The following TCERG1L variants were observed in gnomAD, a reference collection of about 807,000 sequenced individuals.
The protein encoded by TCERG1L is transcription elongation regulator 1-like protein.
A neutral mutation model predicts 56.3 loss-of-function variants in TCERG1L; 37 were observed. The ratio of observed to expected loss-of-function variants is 0.66; its 90% CI spans 0.51 to 0.87. TCERG1L has a LOEUF of 0.87. TCERG1L is among the 40% of genes least tolerant of loss of function. The pLI, the probability that TCERG1L is intolerant of heterozygous loss-of-function variation, is 0.00. For synonymous variants in TCERG1L, 324 were observed against 326.3 expected (o/e 0.99, Z 0.08); for missense variants, 799 against 774.2 (o/e 1.03, Z -0.38).
At chr10:131,179,405 A>C (rs1481505502) in intron 4 of TCERG1L, among the ~76,000 whole-genome samples, 1 of 152,210 alleles carries the variant, frequency 6.6e-6, no homozygotes, top group Non-Finnish European at 1.5e-5. Flanking sequence ...CCCTAAATAG[A>C]AGTAGGAAGA....
At chr10:131,278,374 G>A (rs1385907233) in intron 3 of TCERG1L, among the ~76,000 whole-genome samples, 7 of 137,346 alleles carry the variant, frequency 5.1e-5, no homozygotes, top group Non-Finnish European at 7.6e-5. Context: ...GTCTTGCTCC[G>A]TCACCCAGGC....
At chr10:131,193,664 A>C (rs1388175363) in intron 4 of TCERG1L, among the ~76,000 whole-genome samples, 2 of 152,084 alleles carry the variant, frequency 1.3e-5, no homozygotes, top group Admixed American at 6.5e-5. Context: ...ATCTGGCCTT[A>C]TTTCTGGCTT....
Position 131,123,701 on chromosome 10 carries a change from G to A in TCERG1L, c.1260-6767C>T, listed in dbSNP as rs568349965. Among the ~76,000 whole-genome samples the A allele has an allele frequency of 2.5e-4, 38 of 152,096 alleles. 1 individual carries two copies. Among genetic ancestry groups the A allele is most frequent in the South Asian group, 2.3e-3 (11 of 4,810 alleles). ...TTAGCGCTCGCTTCTCTGCTTGCCC[G>A]GCCAGGGGCCGCTCTGAGCCTTGGA... On this transcript the variant is annotated intron_variant, in intron 8 of 11. Coordinates refer to ENST00000368642, the MANE Select transcript of TCERG1L (RefSeq NM_174937.4).
At position 131,311,176 on chromosome 10, in the gene TCERG1L, G is replaced by C; in HGVS notation, c.342+118C>G. ...GGGCTCCGTCCTGAGGGTTTGGGGC[G>C]GCGAGGACCGCCGGGGAGGAGGGCG... On this transcript the variant is annotated intron_variant, in intron 1 of 11. Coordinates refer to ENST00000368642, the MANE Select transcript of TCERG1L (RefSeq NM_174937.4). This position sits in a 1 kb window ranked among gnomAD's most constrained non-coding sequence, Gnocchi z 4.0. The C allele has an allele frequency of 3.7e-6, 3 of 817,024 alleles. No individual in the cohort carries two copies. Among genetic ancestry groups the C allele is most frequent in the South Asian group, 6.0e-5 (1 of 16,734 alleles). The allele number at this position is 817,024 out of a possible 1,614,324, so 50.6% of individuals were successfully genotyped here.
At chr10:131,165,072 C>T (rs1012718536) in intron 5 of TCERG1L, among the ~76,000 whole-genome samples, 2 of 152,186 alleles carry the variant, frequency 1.3e-5, no homozygotes, top group African/African-American at 4.8e-5. Flanking sequence ...AAAAGAATCT[C>T]GCGTGTCTGT....
chr10:131,133,723 C>G (rs1056250957), intron 8 of TCERG1L, among the ~76,000 whole-genome samples: 2 of 152,190 alleles, frequency 1.3e-5, no homozygotes, highest in Admixed American at 6.5e-5. Context: ...AGCAGCCACA[C>G]AGGAGGGGTT....
At chr10:131,126,985 C>A (rs1003532637) in intron 8 of TCERG1L, among the ~76,000 whole-genome samples, 1 of 152,086 alleles carries the variant, frequency 6.6e-6, no homozygotes, top group Non-Finnish European at 1.5e-5. Flanking sequence ...AAAAGCAAAC[C>A]CACAACAACA....
At chr10:131,189,306 A>G (rs1048505409) in intron 4 of TCERG1L, among the ~76,000 whole-genome samples, 3 of 152,202 alleles carry the variant, frequency 2.0e-5, no homozygotes, top group Non-Finnish European at 4.4e-5. Flanking sequence ...TGCCCATTAC[A>G]TAACTTCCAA....
At chr10:131,194,087 C>T (rs766884855) in intron 4 of TCERG1L, among the ~76,000 whole-genome samples, 20 of 152,362 alleles carry the variant, frequency 1.3e-4, no homozygotes, top group Non-Finnish European at 2.2e-4. Context: ...CCTAGGCTTC[C>T]GGCACTCCGG....
intron 7 of TCERG1L, among the ~76,000 whole-genome samples, chr10:131,140,594 T>C (rs1333527937): frequency 1.3e-5 from 2 of 152,166 alleles, no homozygotes; most frequent in African/African-American, 2.4e-5. Context: ...GTCAGTGTTC[T>C]CCCAGGACTG....
chr10:131,120,800 G>A (rs1019946013), intron 8 of TCERG1L, among the ~76,000 whole-genome samples: 40 of 152,194 alleles, frequency 2.6e-4, no homozygotes, highest in African/African-American at 8.9e-4. Context: ...CAGTGAGATG[G>A]TCCACATCGA....
chr10:131,156,522 T>C (rs565689219), intron 6 of TCERG1L, among the ~76,000 whole-genome samples: 5 of 152,106 alleles, frequency 3.3e-5, no homozygotes, highest in Non-Finnish European at 7.4e-5. Flanking sequence ...CCCTTCATAC[T>C]GTCTTATGCC....
At position 131,132,066 on chromosome 10, in the gene TCERG1L, C is replaced by T. The variant is rs566681256; in HGVS notation, c.1259+2313G>A. On this transcript the variant is annotated intron_variant, in intron 8 of 11. Coordinates refer to ENST00000368642, the MANE Select transcript of TCERG1L (RefSeq NM_174937.4). ...CTGGCCTGGGGCGATTCGCTCTGAG[C>T]AGGAGGCGTGCAGGTTGGTGCTTCG... 5.8e-4 allele frequency among the ~76,000 whole-genome samples: 88 copies of T among 152,296 alleles called. 1 individual carries two copies. The highest frequency in any genetic ancestry group is 9.2e-4 in the Admixed American group (14 of 15,292).
intron 6 of TCERG1L, among the ~76,000 whole-genome samples, chr10:131,150,291 C>G (rs961811377): frequency 1.0e-4 from 2 of 19,204 alleles, no homozygotes; most frequent in African/African-American, 1.6e-4. Flanking sequence ...GTGTGCTCCT[C>G]TAGAGTCACT....
At position 131,121,127 on chromosome 10, in the gene TCERG1L, G is replaced by A. The variant is rs190314967; in HGVS notation, c.1260-4193C>T. Among the ~76,000 whole-genome samples the A allele has an allele frequency of 2.0e-5, 3 of 152,314 alleles. No homozygotes were observed. The East Asian group carries it at 5.8e-4, about 29-fold the overall frequency. On this transcript the variant is annotated intron_variant, in intron 8 of 11. Transcript: ENST00000368642. ...AACAGCAGACATTCTAGTGGACCATGGCTCCAAGACAGAACATGAGCAGGG... is the reference window on the plus strand; with the variant it reads ...AACAGCAGACATTCTAGTGGACCATAGCTCCAAGACAGAACATGAGCAGGG...
At chr10:131,135,222 C>A (rs1158406960) in intron 7 of TCERG1L, among the ~76,000 whole-genome samples, 1 of 152,118 alleles carries the variant, frequency 6.6e-6, no homozygotes, top group African/African-American at 2.4e-5. Flanking sequence ...CTTATTCCGC[C>A]CCGCCCAGCT....
intron 7 of TCERG1L, among the ~76,000 whole-genome samples, chr10:131,142,981 C>CAG (rs1845755004): frequency 6.6e-6 from 1 of 151,898 alleles, no homozygotes; most frequent in African/African-American, 2.4e-5. Flanking sequence ...GGGCCAGAGC[C>CAG]AGAGAGAGAA....
At chr10:131,136,052 C>A (rs924645088) in intron 7 of TCERG1L, among the ~76,000 whole-genome samples, 1 of 152,242 alleles carries the variant, frequency 6.6e-6, no homozygotes. Context: ...GCCCCCTCCC[C>A]ACCATGCTAA....
At chr10:131,265,626 T>A (rs2133548296) in intron 3 of TCERG1L, among the ~76,000 whole-genome samples, 1 of 152,224 alleles carries the variant, frequency 6.6e-6, no homozygotes, top group East Asian at 1.9e-4. Flanking sequence ...GTCAAGTGAA[T>A]TTTTTGGTTT....
Sources: allele counts gnomAD v4.1 joint callset (sites outside exome capture counted in the v4.1 genomes callset), GRCh38; gene constraint gnomAD v4.1.1; non-coding constraint Gnocchi (gnomAD v3.1); transcripts MANE v1.5; gene names NCBI Gene and HGNC (gene_info 2026-07-23, HGNC 2026-07-21).